Variants in CFAP206 observed in about 807,000 individuals in gnomAD.
The protein encoded by CFAP206 is cilia and flagella associated protein 206.
In CFAP206, 53 loss-of-function variants were observed where a neutral mutation model predicts 65.4. The ratio of observed to expected loss-of-function variants is 0.81; its 90% CI spans 0.65 to 1.02. The LOEUF (loss-of-function observed/expected upper bound fraction) is 1.02. Ranked by LOEUF, CFAP206 falls within the 50% of genes least tolerant of loss-of-function variation. The probability of loss-of-function intolerance (pLI) is 0.00; values close to 1 mark genes in which losing one functional copy is unlikely to be tolerated. For synonymous variants in CFAP206, 250 were observed against 254.4 expected (o/e 0.98, Z 0.17); for missense variants, 663 against 753.2 (o/e 0.88, Z 1.40).
intron 6 of CFAP206, among the ~76,000 whole-genome samples, chr6:87,417,388 G>T (rs546550347): frequency 3.3e-4 from 50 of 152,058 alleles, no homozygotes; most frequent in African/African-American, 1.2e-3. Context: ...CCACTGATAA[G>T]GTGTTAGTGT....
chr6:87,418,385 G>A lies in CFAP206; in HGVS notation c.809G>A (p.Arg270Gln), dbSNP rs781384108. 3.1e-6 allele frequency: 5 copies of A among 1,613,892 alleles called. No homozygotes were observed. The highest frequency in any genetic ancestry group is 4.5e-5 in the East Asian group (2 of 44,882). ...TTAAAAGAAGCGCTATATAATATAC[G>A]ACAATATGAGGTCTTCCTTCAGATC... is the stretch of plus-strand genomic sequence containing the variant. Reference protein sequence around the residue: ...YMLKEALYNIRQYEVFLQIIL... With the variant: ...YMLKEALYNIQQYEVFLQIIL... The change falls in exon 7 of 13, where the codon CGA becomes CAA. Residue 270 changes from arginine to glutamine, a missense_variant. Coordinates refer to ENST00000369562, the MANE Select transcript of CFAP206 (RefSeq NM_001031743.3).
chr6:87,457,318 T>C (rs554173150), intron 11 of CFAP206, among the ~76,000 whole-genome samples: 1 of 152,126 alleles, frequency 6.6e-6, no homozygotes, highest in Admixed American at 6.5e-5. Context: ...AAAAATAACC[T>C]TACAACTTAT....
At position 87,418,426 on chromosome 6, in the gene CFAP206, G is replaced by T. The variant is rs745751389; in HGVS notation, c.840+10G>T. On this transcript the variant is annotated intron_variant, in intron 7 of 12. Transcript: ENST00000369562. Reference sequence around the variant, plus strand: ...CCTTCAGATCATTTTGGTGAGTTAAGTTCATAAGACCTGACCTTTTCTATA... The same window carrying T: ...CCTTCAGATCATTTTGGTGAGTTAATTTCATAAGACCTGACCTTTTCTATA... 6.2e-7 allele frequency: 1 copy of T among 1,610,516 alleles called. No homozygotes were observed. The highest frequency in any genetic ancestry group is 8.5e-7 in the Non-Finnish European group (1 of 1,177,072).
At chr6:87,431,223 T>C (rs1336415380) in intron 10 of CFAP206, 50 bp downstream of exon 10, 1 of 1,544,100 alleles carries the variant, frequency 6.5e-7, no homozygotes, top group Non-Finnish European at 8.9e-7. Flanking sequence ...TTTTTCTTTA[T>C]ATGGAGTTCT....
intron 11 of CFAP206, among the ~76,000 whole-genome samples, chr6:87,447,436 T>C (rs563959780): frequency 6.6e-6 from 1 of 152,144 alleles, no homozygotes; most frequent in Non-Finnish European, 1.5e-5. Context: ...GAGATAATCA[T>C]GTGGTTTTTG....
intron 3 of CFAP206, 28 bp from the exon 4 acceptor site, chr6:87,413,782 G>A: frequency 7.7e-7 from 1 of 1,304,624 alleles, no homozygotes. Flanking sequence ...ACTATAACTA[G>A]AAGTATTCAT....
chr6:87,432,045 G>A (rs989248100), intron 10 of CFAP206, among the ~76,000 whole-genome samples: 1 of 152,188 alleles, frequency 6.6e-6, no homozygotes, highest in Non-Finnish European at 1.5e-5. Context: ...AAAAAGTGCT[G>A]TGTGAATTGT....
intron 10 of CFAP206, among the ~76,000 whole-genome samples, chr6:87,433,507 TG>T: frequency 6.6e-6 from 1 of 152,210 alleles, no homozygotes; most frequent in East Asian, 1.9e-4. Flanking sequence ...ATTTGAGTTT[TG>T]GAAAAGATGT....
intron 10 of CFAP206, among the ~76,000 whole-genome samples, chr6:87,434,482 C>A (rs1219126417): frequency 6.9e-6 from 1 of 145,894 alleles, no homozygotes; most frequent in Non-Finnish European, 1.5e-5. Flanking sequence ...CACAGAGTAA[C>A]AATATTTCTT....
rs549887984 is a variant in CFAP206, at chr6:87,449,718, C to G, written c.1495-11304C>G. 2.0e-4 allele frequency among the ~76,000 whole-genome samples: 30 copies of G among 152,232 alleles called. 1 individual carries two copies. In the South Asian group the frequency reaches 6.0e-3, roughly 30 times the overall value. On this transcript the variant is annotated intron_variant, in intron 11 of 12. Transcript: ENST00000369562. ...TGCTGAGCTGAGTTCCTTGTAAGTT[C>G]TGGATATTCATCCCTTAATGGATAG...
At chr6:87,446,543 C>G (rs1768444149) in intron 11 of CFAP206, among the ~76,000 whole-genome samples, 1 of 152,120 alleles carries the variant, frequency 6.6e-6, no homozygotes, top group African/African-American at 2.4e-5. Context: ...CTATTCTGTT[C>G]CATCGGTCTA....
rs1767871064 is a variant in CFAP206, at chr6:87,418,296, C to T, written c.720C>T (p.Tyr240=). 1.2e-6 allele frequency: 2 copies of T among 1,613,994 alleles called. No homozygotes were observed. The highest frequency in any genetic ancestry group is 1.3e-5 in the African/African-American group (1 of 74,876). Residue 240 remains tyrosine, a synonymous_variant, in exon 7 of 13, where the codon TAC becomes TAT. Coordinates refer to ENST00000369562, the MANE Select transcript of CFAP206 (RefSeq NM_001031743.3). Reference sequence around the variant, plus strand: ...CTGCCCGGAGCCAGGTATACCGCTACACAGCCATCCTTGAGAAGGCAGCCA... The same window carrying T: ...CTGCCCGGAGCCAGGTATACCGCTATACAGCCATCCTTGAGAAGGCAGCCA... ...LETARSQVYR[Y]TAILEKAAND...
intron 4 of CFAP206, chr6:87,415,414 T>G (rs1767808214): frequency 7.8e-6 from 2 of 256,368 alleles, no homozygotes; most frequent in South Asian, 1.1e-4. Context: ...GGTTTTAGCC[T>G]TTTCTGATAT....
intron 11 of CFAP206, chr6:87,444,795 T>C: frequency 1.9e-6 from 1 of 534,622 alleles, no homozygotes; most frequent in South Asian, 1.4e-5. Context: ...GTTGAACTTC[T>C]TTCAGCATTG....
chr6:87,446,897 G>T (rs1768450367), intron 11 of CFAP206, among the ~76,000 whole-genome samples: 1 of 152,158 alleles, frequency 6.6e-6, no homozygotes, highest in Admixed American at 6.5e-5. Context: ...TCTCCTTGAA[G>T]AGGTCCTTCA....
At position 87,440,237 on chromosome 6, in the gene CFAP206, C is replaced by G. The variant is rs576094430; in HGVS notation, c.1494+5184C>G. 3.7e-3 allele frequency among the ~76,000 whole-genome samples: 562 copies of G among 152,118 alleles called. 2 individuals are homozygous for G. The highest frequency in any genetic ancestry group is 6.6e-3 in the Non-Finnish European group (451 of 67,976). On this transcript the variant is annotated intron_variant, in intron 11 of 12. Transcript: ENST00000369562. ...GTTGCTATTTTAAATGCTGTTGATGCTTAGGATTGAATTTTAGTTCATTAT... is the reference window on the plus strand; with the variant it reads ...GTTGCTATTTTAAATGCTGTTGATGGTTAGGATTGAATTTTAGTTCATTAT...
chr6:87,443,265 T>G (rs1176110561), intron 11 of CFAP206, among the ~76,000 whole-genome samples: 4 of 152,122 alleles, frequency 2.6e-5, no homozygotes, highest in African/African-American at 9.7e-5. Context: ...CACAATATCC[T>G]TTTACTATTT....
At chr6:87,413,400 T>C (rs1767771267) in intron 3 of CFAP206, among the ~76,000 whole-genome samples, 2 of 152,174 alleles carry the variant, frequency 1.3e-5, no homozygotes, top group Admixed American at 6.5e-5. Flanking sequence ...TTCTCACTTA[T>C]AAGTGGGAGC....
rs184492071 is a variant in CFAP206, at chr6:87,411,254, A to G, written c.192+586A>G. Among the ~76,000 whole-genome samples the G allele has an allele frequency of 2.6e-3, 397 of 152,328 alleles. 3 individuals are homozygous for G. The highest frequency in any genetic ancestry group is 4.6e-3 in the Non-Finnish European group (316 of 68,022). ...CGTCATATACTGTGAAGTTAAATAG[A>G]ACTAAATTAATTTGCATTTCTCTAA... On this transcript the variant is annotated intron_variant, in intron 3 of 12. Transcript: ENST00000369562.
Sources: gnomAD v4.1 joint callset for allele counts (sites outside exome capture counted in the v4.1 genomes callset) on GRCh38, gnomAD v4.1.1 for gene constraint, MANE v1.5 for transcripts, NCBI Gene and HGNC (gene_info 2026-07-23, HGNC 2026-07-21) for gene names.